Variants in SEMA3E observed in about 807,000 individuals in gnomAD.
The protein encoded by SEMA3E is semaphorin 3E.
SEMA3E carries 49 observed loss-of-function variants against 93.6 expected under a neutral mutation model. That is an observed-to-expected ratio of 0.52 (90% CI 0.42 to 0.66). The LOEUF (loss-of-function observed/expected upper bound fraction) is 0.66. Ranked by LOEUF, SEMA3E falls within the 30% of genes least tolerant of loss-of-function variation. The pLI, the probability that SEMA3E is intolerant of heterozygous loss-of-function variation, is 0.00. For synonymous variants in SEMA3E, 363 were observed against 330.7 expected (o/e 1.10, Z -1.06); for missense variants, 906 against 964.8 (o/e 0.94, Z 0.81).
chr7:83,639,110 CAAAAAAAAAAAA>C (rs1172097095), intron 1 of SEMA3E, among the ~76,000 whole-genome samples: 5 of 27,436 alleles, frequency 1.8e-4, no homozygotes, highest in African/African-American at 2.1e-4. Flanking sequence ...GACTCCGTCT[CAAAAAAAAAAAA>C]AAAAAAAAAA....
intron 1 of SEMA3E, among the ~76,000 whole-genome samples, chr7:83,553,216 TAGAA>T (rs1323198689): frequency 1.3e-5 from 2 of 152,132 alleles, no homozygotes; most frequent in Non-Finnish European, 2.9e-5. Context: ...TTATGGAAAA[TAGAA>T]AGAACCTACG....
At chr7:83,563,019 T>G (rs367799043) in intron 1 of SEMA3E, among the ~76,000 whole-genome samples, 3 of 152,296 alleles carry the variant, frequency 2.0e-5, no homozygotes, top group African/African-American at 4.8e-5. Flanking sequence ...GTCTCATAAT[T>G]TTGGCTGAAT....
intron 1 of SEMA3E, among the ~76,000 whole-genome samples, chr7:83,544,671 G>A (rs1482713815): frequency 5.3e-5 from 8 of 152,026 alleles, no homozygotes; most frequent in South Asian, 2.1e-4. Flanking sequence ...GATTTACATC[G>A]TTTCCCTAAA....
At position 83,644,178 on chromosome 7, in the gene SEMA3E, C is replaced by T. The variant is rs148696354; in HGVS notation, c.115+4250G>A. ...TGTAGAGTGAATACATGTAACAAAT[C>T]GATATGTGTACACTACAGCAAAAAA... On this transcript the variant is annotated intron_variant, in intron 1 of 16. Coordinates refer to ENST00000643230, the MANE Select transcript of SEMA3E (RefSeq NM_012431.3). Among the ~76,000 whole-genome samples, 288 of 144,694 alleles carry T rather than the reference C, an allele frequency of 2.0e-3. 2 individuals carry two copies. The Middle Eastern group carries it at 0.021, about 11-fold the overall frequency. The allele number at this position is 144,694 out of a possible 152,430, so 94.9% of individuals were successfully genotyped here.
intron 16 of SEMA3E, among the ~76,000 whole-genome samples, chr7:83,373,459 GA>G (rs1267068629): frequency 1.3e-5 from 2 of 151,868 alleles, no homozygotes; most frequent in Non-Finnish European, 2.9e-5. Context: ...TAATATGACA[GA>G]GCATAAAAAT....
chr7:83,456,622 A>ATTTATTTATTTAT (rs10667838), intron 4 of SEMA3E, among the ~76,000 whole-genome samples: 22,538 of 145,444 alleles, frequency 0.15, 2,112 homozygotes, highest in East Asian at 0.37. Context: ...TTATTTATTT[A>ATTTATTTATTTAT]TTATTTTTGA....
At position 83,560,457 on chromosome 7, in the gene SEMA3E, CTG is replaced by C. The variant is rs1470040935; in HGVS notation, c.116-70185_116-70184del. Among the ~76,000 whole-genome samples the C allele has an allele frequency of 2.0e-5, 3 of 152,140 alleles. No individual in the cohort carries two copies. In the East Asian group the frequency reaches 5.8e-4, roughly 29 times the overall value. ...ATTTAACTGCTTTTCATGATGAAAA[CTG>C]ATAATGCTAATTATTCTTATCCATA... On this transcript the variant is annotated intron_variant, in intron 1 of 16. Transcript: ENST00000643230.
chr7:83,528,308 A>G (rs766805599), intron 1 of SEMA3E, among the ~76,000 whole-genome samples: 2 of 152,180 alleles, frequency 1.3e-5, no homozygotes, highest in Non-Finnish European at 2.9e-5. Context: ...TCACAAGTGT[A>G]GCAACCGATA....
chr7:83,550,892 C>T (rs1367621216), intron 1 of SEMA3E, among the ~76,000 whole-genome samples: 2 of 152,032 alleles, frequency 1.3e-5, no homozygotes, highest in East Asian at 3.9e-4. Context: ...ATTAGACTTT[C>T]ACAAAAGAGG....
intron 4 of SEMA3E, among the ~76,000 whole-genome samples, chr7:83,419,353 G>A (rs993192983): frequency 3.9e-5 from 6 of 152,180 alleles, no homozygotes; most frequent in Non-Finnish European, 8.8e-5. Context: ...ATTCTGCAAT[G>A]AACATATGAG....
rs2722972 is a variant in SEMA3E, at chr7:83,396,974, T to C, written c.1367-245A>G. Reference sequence around the variant, plus strand: ...GTGGGCACCTGTAATCCCAGCTACTTGGGAGGCTGAGGAAGGAGAATTGCT... The same window carrying C: ...GTGGGCACCTGTAATCCCAGCTACTCGGGAGGCTGAGGAAGGAGAATTGCT... On this transcript the variant is annotated intron_variant, in intron 11 of 16. Coordinates refer to ENST00000643230, the MANE Select transcript of SEMA3E (RefSeq NM_012431.3). 0.57 allele frequency among the ~76,000 whole-genome samples: 86,596 copies of C among 151,492 alleles called. 28,430 individuals are homozygous for C. The highest frequency in any genetic ancestry group is 0.85 in the East Asian group (4,342 of 5,098).
chr7:83,617,510 A>G (rs6952216), intron 1 of SEMA3E, among the ~76,000 whole-genome samples: 2 of 60,084 alleles, frequency 3.3e-5, no homozygotes, highest in Non-Finnish European at 7.5e-5. Flanking sequence ...TTTTATATAA[A>G]TAATATATAA....
chr7:83,464,795 G>C (rs1789714874), intron 4 of SEMA3E, among the ~76,000 whole-genome samples: 2 of 141,886 alleles, frequency 1.4e-5, no homozygotes, highest in Non-Finnish European at 3.1e-5. Flanking sequence ...CCCACTCTAG[G>C]TTCCCACGCC....
chr7:83,621,166 T>A (rs530846256), intron 1 of SEMA3E, among the ~76,000 whole-genome samples: 1 of 152,284 alleles, frequency 6.6e-6, no homozygotes, highest in East Asian at 1.9e-4. Context: ...ACAAAATTAA[T>A]ATGCAAAATT....
chr7:83,570,745 T>C (rs1312677459), intron 1 of SEMA3E, among the ~76,000 whole-genome samples: 2 of 151,080 alleles, frequency 1.3e-5, no homozygotes, highest in Non-Finnish European at 2.9e-5. Context: ...AACCAATAAT[T>C]AGTTCTTTTA....
At chr7:83,549,947 C>A (rs1791726706) in intron 1 of SEMA3E, among the ~76,000 whole-genome samples, 2 of 152,030 alleles carry the variant, frequency 1.3e-5, no homozygotes, top group African/African-American at 4.8e-5. Flanking sequence ...TAGGTTAAAG[C>A]ATCCACATTA....
intron 1 of SEMA3E, among the ~76,000 whole-genome samples, chr7:83,637,600 G>A (rs1404381142): frequency 3.9e-5 from 6 of 152,030 alleles, no homozygotes; most frequent in East Asian, 1.9e-4. Context: ...GTGAGTTCTC[G>A]GGAGATCTGA....
chr7:83,567,139 C>T (rs958062056), intron 1 of SEMA3E, among the ~76,000 whole-genome samples: 11 of 152,030 alleles, frequency 7.2e-5, no homozygotes, highest in South Asian at 2.1e-4. Flanking sequence ...GCAGACTTTA[C>T]GTCAGAAACA....
chr7:83,575,322 A>T (rs573926680), intron 1 of SEMA3E, among the ~76,000 whole-genome samples: 3 of 151,666 alleles, frequency 2.0e-5, no homozygotes, highest in African/African-American at 4.8e-5. Flanking sequence ...GATAGAGTCA[A>T]ATTAAAGATT....
Sources: allele counts gnomAD v4.1 joint callset (sites outside exome capture counted in the v4.1 genomes callset), GRCh38; gene constraint gnomAD v4.1.1; transcripts MANE v1.5; gene names NCBI Gene and HGNC (gene_info 2026-07-23, HGNC 2026-07-21).